Variants in RNF214 observed in about 807,000 individuals in gnomAD.
RNF214 encodes the protein ring finger protein 214.
Under a neutral mutation model 75.9 loss-of-function variants are expected in RNF214, and 25 were observed. The observed-to-expected ratio is 0.33, with a 90% CI of 0.24 to 0.46. The LOEUF (loss-of-function observed/expected upper bound fraction) is 0.46. RNF214 is among the 20% of genes least tolerant of loss of function. The pLI, the probability that RNF214 is intolerant of heterozygous loss-of-function variation, is 1.00. For synonymous variants in RNF214, 314 were observed against 308.8 expected, an observed-to-expected ratio of 1.02 and a Z score of -0.18; for missense variants, 725 against 857.5, an observed-to-expected ratio of 0.85 and a Z score of 1.93.
chr11:117,277,827 T>C (rs888662539), intron 6 of RNF214, among the ~76,000 whole-genome samples: 2 of 151,254 alleles, frequency 1.3e-5, no homozygotes, highest in African/African-American at 2.4e-5. Context: ...CAAAAAAAAT[T>C]AGCTGCGCAT....
chr11:117,251,340 C>G (rs1380411040), intron 6 of RNF214, among the ~76,000 whole-genome samples: 1 of 130,370 alleles, frequency 7.7e-6, no homozygotes. Flanking sequence ...GGCAGAGGCG[C>G]CCCTCACCTC....
intron 6 of RNF214, among the ~76,000 whole-genome samples, chr11:117,278,027 G>A (rs1159806802): frequency 2.6e-5 from 4 of 151,344 alleles, no homozygotes; most frequent in African/African-American, 4.9e-5. Flanking sequence ...ACTCTTGGCC[G>A]GGCGCAGAGG....
At chr11:117,233,155 C>T (rs2032772987) in intron 1 of RNF214, among the ~76,000 whole-genome samples, 1 of 152,242 alleles carries the variant, frequency 6.6e-6, no homozygotes, top group African/African-American at 2.4e-5. Context: ...GCTGTTCCTA[C>T]CCGCGCCACG....
Position 117,260,632 on chromosome 11 carries a change from C to CTA in RNF214, c.959+13686_959+13687dup, listed in dbSNP as rs569036213. On this transcript the variant is annotated intron_variant, in intron 6 of 14. Transcript: ENST00000300650. ...TGGGTGACACAGTGAGACCTAGTCT[C>CTA]TATTTCTTTTTTTTTTTTCTTTTTC... 3.8e-4 allele frequency among the ~76,000 whole-genome samples: 55 copies of CTA among 144,506 alleles called. 1 individual carries two copies. The highest frequency in any genetic ancestry group is 1.3e-3 in the African/African-American group (50 of 39,184). 94.8% of individuals were successfully genotyped at this position (144,506 alleles called of 152,430 possible). A position where few individuals can be genotyped will look rare whatever the true frequency, so the allele number is the denominator to read the frequency against.
intron 6 of RNF214, among the ~76,000 whole-genome samples, chr11:117,264,802 GA>G (rs1198053566): frequency 2.0e-5 from 3 of 151,966 alleles, no homozygotes; most frequent in African/African-American, 7.3e-5. Context: ...GGTGATTCAT[GA>G]CTGTAATCTC....
At chr11:117,264,949 C>T (rs2033762895) in intron 6 of RNF214, among the ~76,000 whole-genome samples, 1 of 151,856 alleles carries the variant, frequency 6.6e-6, no homozygotes, top group Non-Finnish European at 1.5e-5. Flanking sequence ...TGTCTGTACT[C>T]CCAGCTACTT....
At chr11:117,235,248 G>A (rs538939920) in intron 2 of RNF214, among the ~76,000 whole-genome samples, 30 of 152,106 alleles carry the variant, frequency 2.0e-4, no homozygotes, top group Non-Finnish European at 4.3e-4. Context: ...CCAGGCTGGA[G>A]TGCAGTGGCG....
At chr11:117,277,796 A>G (rs2034043202) in intron 6 of RNF214, among the ~76,000 whole-genome samples, 2 of 151,188 alleles carry the variant, frequency 1.3e-5, no homozygotes, top group African/African-American at 4.9e-5. Context: ...ACATGGCAAA[A>G]CCCCATCTCT....
intron 6 of RNF214, among the ~76,000 whole-genome samples, chr11:117,268,105 C>T (rs1472672415): frequency 6.6e-6 from 1 of 152,190 alleles, no homozygotes; most frequent in Non-Finnish European, 1.5e-5. Flanking sequence ...AGTAAGAGGA[C>T]TTGACAGCAC....
intron 6 of RNF214, among the ~76,000 whole-genome samples, chr11:117,266,191 T>A (rs1179527592): frequency 6.6e-6 from 1 of 152,104 alleles, no homozygotes; most frequent in African/African-American, 2.4e-5. Flanking sequence ...TATTGTGTCA[T>A]TTTTTTTCTG....
intron 6 of RNF214, among the ~76,000 whole-genome samples, chr11:117,269,048 A>G (rs1374421373): frequency 6.6e-6 from 1 of 152,188 alleles, no homozygotes; most frequent in Non-Finnish European, 1.5e-5. Context: ...TTATATACCT[A>G]CCCTTCTTTA....
intron 5 of RNF214, 29 bp from the exon 6 acceptor site, chr11:117,246,780 G>C (rs756159708): frequency 2.7e-6 from 4 of 1,484,734 alleles, no homozygotes; most frequent in Admixed American, 2.3e-5. Flanking sequence ...TTTTTTATTT[G>C]TGTGCGACTG....
At position 117,238,691 on chromosome 11, in the gene RNF214, T is replaced by C; in HGVS notation, c.198T>C (p.His66=). The part of the protein sequence containing the change: ...TITKENNRNV[H]LEHSEQNPGS... ...CCAAGGAGAATAACAGAAATGTCCA[T>C]TTGGAGCACTCAGAGCAGAATCCTG... The change falls in exon 3 of 15, where the codon CAT becomes CAC. Residue 66 remains histidine (H), a synonymous_variant. Transcript: ENST00000300650. The C allele has an allele frequency of 6.2e-7, 1 of 1,614,114 alleles. No homozygotes were observed. The highest frequency in any genetic ancestry group is 1.7e-5 in the Admixed American group (1 of 60,006).
intron 6 of RNF214, among the ~76,000 whole-genome samples, chr11:117,263,569 C>G (rs760240028): frequency 9.2e-5 from 14 of 152,072 alleles, no homozygotes; most frequent in Non-Finnish European, 1.8e-4. Context: ...CCACCGCACC[C>G]AGCAGAAAAA....
chr11:117,246,858 A>G lies in RNF214; in HGVS notation c.869A>G (p.Lys290Arg), dbSNP rs773884931. 1 of 1,613,004 alleles carries G rather than the reference A, an allele frequency of 6.2e-7. No individual in the cohort carries two copies. The highest frequency in any genetic ancestry group is 1.1e-5 in the South Asian group (1 of 90,882). Residue 290 changes from lysine (K) to arginine (R), a missense_variant, in exon 6 of 15, where the codon AAG (lysine) becomes AGG (arginine). Transcript: ENST00000300650. Reference sequence around the variant, plus strand: ...GTGACAATAAAGCGGGAAGAAACAAAGAAGAAGATAGAGAAAGAGAAGAAG... The same window carrying G: ...GTGACAATAAAGCGGGAAGAAACAAGGAAGAAGATAGAGAAAGAGAAGAAG... ...QDVTIKREETKKKIEKEKKEF... is the reference protein window; with the variant it reads ...QDVTIKREETRKKIEKEKKEF...
intron 2 of RNF214, among the ~76,000 whole-genome samples, chr11:117,236,496 T>C (rs549222729): frequency 6.6e-5 from 10 of 152,122 alleles, no homozygotes; most frequent in Non-Finnish European, 1.5e-4. Context: ...ATGGTCTCGA[T>C]CTTCCGACCT....
chr11:117,283,276 T>C, intron 14 of RNF214, 66 bp downstream of exon 14: 1 of 1,115,362 alleles, frequency 9.0e-7, no homozygotes, highest in South Asian at 1.3e-5. Context: ...AATTTTTCTT[T>C]CTCATTTTCT....
intron 13 of RNF214, 50 bp downstream of exon 13, chr11:117,282,900 G>A: frequency 7.0e-7 from 1 of 1,421,970 alleles, no homozygotes; most frequent in Non-Finnish European, 9.9e-7. Context: ...CTGGAGGTGA[G>A]GAAGGAGTGG....
rs73580329 is a variant in RNF214 at position 117,241,936 on chromosome 11, C to T, written c.678+2076C>T. Among the ~76,000 whole-genome samples, 1,078 of 152,282 alleles carry T rather than the reference C, an allele frequency of 7.1e-3. 15 individuals carry two copies. The highest frequency in any genetic ancestry group is 0.024 in the African/African-American group (991 of 41,560). Reference sequence around the variant, plus strand: ...AATACAGTGGGATCTCTCAGTATCTCTCATTCTAGACACTATTTCTTAAGC... The same window carrying T: ...AATACAGTGGGATCTCTCAGTATCTTTCATTCTAGACACTATTTCTTAAGC... On this transcript the variant is annotated intron_variant, in intron 4 of 14. Transcript: ENST00000300650.
Sources: gnomAD v4.1 joint callset for allele counts (sites outside exome capture counted in the v4.1 genomes callset) on GRCh38, gnomAD v4.1.1 for gene constraint, MANE v1.5 for transcripts, NCBI Gene and HGNC (gene_info 2026-07-23, HGNC 2026-07-21) for gene names.